The following LYST variants were observed in gnomAD, a reference collection of about 807,000 sequenced individuals.
The protein encoded by LYST is lysosomal trafficking regulator.
Under a neutral mutation model 413.6 loss-of-function variants are expected in LYST, and 192 were observed. The ratio of observed to expected loss-of-function variants is 0.46; its 90% confidence interval spans 0.41 to 0.52. The LOEUF is 0.52. LYST is among the 20% of genes least tolerant of loss of function. The pLI is 0.00. For synonymous variants in LYST, 1,525 were observed against 1,567.3 expected, an observed-to-expected ratio of 0.97 and a Z score of 0.64; for missense variants, 3,815 against 4,499.9, an observed-to-expected ratio of 0.85 and a Z score of 4.35.
At position 235,686,836 on chromosome 1, in the gene LYST, T is replaced by G. The variant is rs1357910916; in HGVS notation, c.10800+113A>C. 8 of 838,014 alleles carry G rather than the reference T, an allele frequency of 9.5e-6. No individual in the cohort carries two copies. The highest frequency in any genetic ancestry group is 1.7e-5 in the Non-Finnish European group (8 of 476,730). 51.9% of individuals were successfully genotyped at this position (838,014 alleles called of 1,614,324 possible). On this transcript the variant is annotated intron_variant, in intron 48 of 52. Coordinates refer to ENST00000389793, the MANE Select transcript of LYST (RefSeq NM_000081.4). This position sits in a 1 kb window ranked among gnomAD's most constrained non-coding sequence, Gnocchi z 4.0. ...TTAAGACCTAATGTAGGGAGAAGAT[T>G]AAGGTATAAACATTTTAAGTTAATC...
chr1:235,769,662 A>C (rs973807922), intron 20 of LYST, among the ~76,000 whole-genome samples: 2 of 152,066 alleles, frequency 1.3e-5, no homozygotes, highest in Admixed American at 1.3e-4. Flanking sequence ...AAAAAAATTA[A>C]CTAAAAGGGC....
At chr1:235,832,249 A>C (rs1388465172) in intron 2 of LYST, among the ~76,000 whole-genome samples, 7 of 152,254 alleles carry the variant, frequency 4.6e-5, no homozygotes, top group Non-Finnish European at 8.8e-5. Flanking sequence ...AAGTGCACTC[A>C]TGTGCAGGCC....
At chr1:235,734,098 T>C (rs1664615952) in intron 32 of LYST, among the ~76,000 whole-genome samples, 192 bp from the exon 33 acceptor site, 1 of 151,958 alleles carries the variant, frequency 6.6e-6, no homozygotes, top group Admixed American at 6.5e-5. Context: ...TCTATATAAT[T>C]TAGGTCACAT....
chr1:235,831,714 TAGAA>T (rs1676005884), intron 2 of LYST, among the ~76,000 whole-genome samples: 1 of 152,194 alleles, frequency 6.6e-6, no homozygotes, highest in African/African-American at 2.4e-5. Context: ...TTTTGAATAT[TAGAA>T]AGGAGAAAAA....
chr1:235,722,128 G>A (rs942090896), intron 39 of LYST, among the ~76,000 whole-genome samples: 4 of 152,182 alleles, frequency 2.6e-5, no homozygotes, highest in African/African-American at 4.8e-5. Context: ...CAAAGTCCCC[G>A]AGGCACTGGT....
intron 1 of LYST, among the ~76,000 whole-genome samples, chr1:235,863,266 C>T (rs1374684462): frequency 6.6e-6 from 1 of 151,114 alleles, no homozygotes; most frequent in Non-Finnish European, 1.5e-5. Context: ...GTGGCACACA[C>T]CTGTAGTCCC....
Position 235,741,581 on chromosome 1 carries a change from C to T in LYST, c.8199G>A (p.Leu2733=). The change falls in exon 31 of 53, where the codon CTG becomes CTA. Residue 2733 remains leucine, a synonymous_variant. Coordinates refer to ENST00000389793, the MANE Select transcript of LYST (RefSeq NM_000081.4). ...SGSKQQWTKI[L]WSCKETFRMQ... The stretch of plus-strand genomic sequence containing the variant: ...TTCGGAAGGTCTCCTTACAAGACCA[C>T]AGAATTTTAGTCCATTGCTGCTTGG... The T allele has an allele frequency of 1.2e-6, 2 of 1,614,098 alleles. No individual in the cohort carries two copies. Among genetic ancestry groups the T allele is most frequent in the South Asian group, 1.1e-5 (1 of 91,074 alleles).
At chr1:235,715,447 C>T (rs987438851) in intron 41 of LYST, 90 bp from the exon 42 acceptor site, 187 of 1,249,236 alleles carry the variant, frequency 1.5e-4, no homozygotes, top group Non-Finnish European at 2.0e-4. Flanking sequence ...CTCTCCTTCT[C>T]TACTACCCCT....
At chr1:235,750,530 GGT>G (rs149529363) in intron 28 of LYST, among the ~76,000 whole-genome samples, 113 of 151,836 alleles carry the variant, frequency 7.4e-4, no homozygotes, top group African/African-American at 2.6e-3. Context: ...CTCTGGAGAT[GGT>G]GTGTGTGTGT....
chr1:235,808,019 G>A (rs911160202), intron 5 of LYST, among the ~76,000 whole-genome samples: 1 of 151,896 alleles, frequency 6.6e-6, no homozygotes, highest in African/African-American at 2.4e-5. Context: ...TATGATCTTT[G>A]TAAACATTTT....
intron 39 of LYST, among the ~76,000 whole-genome samples, chr1:235,723,528 A>G (rs1663580622): frequency 6.6e-6 from 1 of 152,192 alleles, no homozygotes; most frequent in South Asian, 2.1e-4. Context: ...TTATTTAAGG[A>G]GAGAAAAATC....
chr1:235,860,390 T>C (rs1679724147), intron 1 of LYST, among the ~76,000 whole-genome samples: 1 of 152,182 alleles, frequency 6.6e-6, no homozygotes, highest in African/African-American at 2.4e-5. Context: ...GGATTCACTC[T>C]TGATGTGGTA....
intron 3 of LYST, among the ~76,000 whole-genome samples, chr1:235,823,765 CCAATTCCTACTTAGGGATGT>C (rs1675035998): frequency 6.6e-6 from 1 of 152,222 alleles, no homozygotes; most frequent in African/African-American, 2.4e-5. Flanking sequence ...CTTTACATCG[CCAATTCCTACTTAGGGATGT>C]CAATATCTAA....
intron 48 of LYST, 76 bp from the exon 49 acceptor site, chr1:235,677,695 A>C (rs1480124614): frequency 3.6e-6 from 4 of 1,095,960 alleles, no homozygotes; most frequent in African/African-American, 1.6e-5. Context: ...AAAATAAAAC[A>C]ACCAAAGTGA....
At position 235,741,559 on chromosome 1, in the gene LYST, G is replaced by A. The variant is rs763532156; in HGVS notation, c.8221C>T (p.Arg2741Ter). The A allele has an allele frequency of 1.9e-6, 3 of 1,614,002 alleles. No individual in the cohort carries two copies. Among genetic ancestry groups the A allele is most frequent in the South Asian group, 1.1e-5 (1 of 91,064 alleles). ...KILWSCKETF[R>*]MQLGRLLVHI... ...ACTAGTAGTCTCCCAAGCTGCATTC[G>A]GAAGGTCTCCTTACAAGACCACAGA... Residue 2741 changes from arginine to a stop codon, truncating the protein, a stop_gained, in exon 31 of 53, where the codon CGA becomes TGA. Coordinates refer to ENST00000389793, the MANE Select transcript of LYST (RefSeq NM_000081.4). LOFTEE classifies it high-confidence loss of function.
chr1:235,758,180 T>A (rs939184402), intron 23 of LYST, among the ~76,000 whole-genome samples: 1 of 152,182 alleles, frequency 6.6e-6, no homozygotes, highest in East Asian at 1.9e-4. Flanking sequence ...TATAAAGTTA[T>A]GGGTCTGCGA....
chr1:235,853,674 C>T (rs532162815), intron 1 of LYST, among the ~76,000 whole-genome samples: 1 of 152,196 alleles, frequency 6.6e-6, no homozygotes, highest in East Asian at 1.9e-4. Context: ...GTTAACATGC[C>T]ATTCCGGCTG....
At chr1:235,769,576 T>C (rs191651320) in intron 20 of LYST, among the ~76,000 whole-genome samples, 9 of 152,178 alleles carry the variant, frequency 5.9e-5, no homozygotes, top group African/African-American at 2.2e-4. Context: ...AATTGTCTAA[T>C]ATACCAACCA....
At chr1:235,767,092 G>C (rs1392824744) in intron 20 of LYST, among the ~76,000 whole-genome samples, 2 of 152,114 alleles carry the variant, frequency 1.3e-5, no homozygotes. Flanking sequence ...GGAATAATGA[G>C]GCTTGGCAAA....
Sources: gnomAD v4.1 joint callset for allele counts (sites outside exome capture counted in the v4.1 genomes callset) on GRCh38, gnomAD v4.1.1 for gene constraint, Gnocchi (gnomAD v3.1) non-coding constraint, MANE v1.5 for transcripts, NCBI Gene and HGNC (gene_info 2026-07-23, HGNC 2026-07-21) for gene names.